GNAQ: variants seen among roughly 807,000 people sequenced by gnomAD.
GNAQ encodes guanine nucleotide-binding protein G(q) subunit alpha.
GNAQ carries 8 observed loss-of-function variants against 43.9 expected under a neutral mutation model. That is an observed-to-expected ratio of 0.18 (90% CI 0.11 to 0.33). The LOEUF (loss-of-function observed/expected upper bound fraction) is 0.33, where lower values mean the gene tolerates loss of function less well. Among genes scored for constraint, GNAQ ranks in the 10% least tolerant of loss-of-function variants. The pLI, the probability that GNAQ is intolerant of heterozygous loss-of-function variation, is 1.00. For missense variants in GNAQ, 158 were observed against 450.8 expected (o/e 0.35, Z 5.88); for synonymous variants, 155 against 170.7 (o/e 0.91, Z 0.71).
At chr9:77,791,623 G>A (rs998622813) in intron 5 of GNAQ, among the ~76,000 whole-genome samples, 2 of 152,124 alleles carry the variant, frequency 1.3e-5, no homozygotes, top group African/African-American at 4.8e-5. Context: ...GAGAATCTAG[G>A]CAGACAAAAG....
chr9:77,870,423 C>T (rs1828018439), intron 2 of GNAQ, among the ~76,000 whole-genome samples: 2 of 150,292 alleles, frequency 1.3e-5, no homozygotes, highest in South Asian at 2.1e-4. Context: ...CTCTGCCTCA[C>T]GGATTCACGT....
At chr9:77,904,471 T>C (rs1206196982) in intron 2 of GNAQ, among the ~76,000 whole-genome samples, 1 of 151,772 alleles carries the variant, frequency 6.6e-6, no homozygotes, top group Non-Finnish European at 1.5e-5. Context: ...TAGCTGGGAC[T>C]ACAGGCGTCT....
chr9:77,918,001 C>A lies in GNAQ; in HGVS notation c.321+4160G>T, dbSNP rs188239665. Among the ~76,000 whole-genome samples, 163 of 152,290 alleles carry A rather than the reference C, an allele frequency of 1.1e-3. 4 individuals are homozygous for A. Among genetic ancestry groups the A allele is most frequent in the Non-Finnish European group, 9.7e-4 (66 of 68,030 alleles). ...CACCATTTGGTCCAGAGACTGTGAA[C>A]TGGACTCCCCCTGACCACAGCACCC... On this transcript the variant is annotated intron_variant, in intron 2 of 6. Coordinates refer to ENST00000286548, the MANE Select transcript of GNAQ (RefSeq NM_002072.5).
At chr9:77,927,024 C>T (rs1829080925) in intron 1 of GNAQ, among the ~76,000 whole-genome samples, 1 of 152,196 alleles carries the variant, frequency 6.6e-6, no homozygotes, top group African/African-American at 2.4e-5. Flanking sequence ...TACTATGATA[C>T]AGTGCATCAA....
chr9:77,723,392 T>A (rs575258039), intron 6 of GNAQ, among the ~76,000 whole-genome samples: 13 of 152,360 alleles, frequency 8.5e-5, no homozygotes, highest in Non-Finnish European at 1.8e-4. Context: ...TACTCCAATG[T>A]ATATATCTAA....
chr9:77,956,752 A>AT (rs1314960506), intron 1 of GNAQ, among the ~76,000 whole-genome samples: 2 of 152,208 alleles, frequency 1.3e-5, no homozygotes, highest in African/African-American at 4.8e-5. Context: ...TTTCCTCTGC[A>AT]TATGCAATAT....
intron 5 of GNAQ, among the ~76,000 whole-genome samples, chr9:77,734,776 G>C (rs1008828912): frequency 6.6e-6 from 1 of 152,176 alleles, no homozygotes; most frequent in African/African-American, 2.4e-5. Context: ...TGCTAAAAAA[G>C]AAGGCCAGAG....
chr9:77,992,687 T>C (rs1469036875), intron 1 of GNAQ, among the ~76,000 whole-genome samples: 1 of 152,182 alleles, frequency 6.6e-6, no homozygotes, highest in African/African-American at 2.4e-5. Context: ...CTCATGCCTG[T>C]AATCCTAGCA....
chr9:78,010,984 T>C (rs890643310), intron 1 of GNAQ, among the ~76,000 whole-genome samples: 4 of 152,110 alleles, frequency 2.6e-5, no homozygotes, highest in Non-Finnish European at 5.9e-5. Flanking sequence ...ACTTGACATA[T>C]TTACTGGAAA....
chr9:77,928,263 C>A (rs1829097922), intron 1 of GNAQ, among the ~76,000 whole-genome samples: 1 of 152,190 alleles, frequency 6.6e-6, no homozygotes, highest in Admixed American at 6.5e-5. Context: ...GTTGCCATAA[C>A]TTCCCGTCTT....
intron 1 of GNAQ, among the ~76,000 whole-genome samples, chr9:78,009,187 T>C (rs1823744144): frequency 6.6e-6 from 1 of 152,230 alleles, no homozygotes; most frequent in Non-Finnish European, 1.5e-5. Context: ...AAGAAAATAC[T>C]CCTTCTCTCC....
chr9:77,870,226 T>G (rs1325675503), intron 2 of GNAQ, among the ~76,000 whole-genome samples: 3 of 152,066 alleles, frequency 2.0e-5, no homozygotes, highest in Non-Finnish European at 4.4e-5. Flanking sequence ...CTTTTGGGGA[T>G]AATTTAGTTA....
intron 5 of GNAQ, among the ~76,000 whole-genome samples, chr9:77,792,150 T>C (rs933939617): frequency 2.6e-5 from 4 of 152,162 alleles, no homozygotes; most frequent in East Asian, 1.9e-4. Flanking sequence ...ACAGCACTTT[T>C]CTCATGATCC....
At chr9:77,731,811 T>C (rs1282485931) in intron 5 of GNAQ, among the ~76,000 whole-genome samples, 1 of 152,220 alleles carries the variant, frequency 6.6e-6, no homozygotes, top group Non-Finnish European at 1.5e-5. Flanking sequence ...AGGGAGGTGA[T>C]GCTCTATCCC....
intron 5 of GNAQ, among the ~76,000 whole-genome samples, chr9:77,763,511 C>T (rs2118347804): frequency 6.6e-6 from 1 of 152,282 alleles, no homozygotes; most frequent in East Asian, 1.9e-4. Flanking sequence ...TGTCCTCACC[C>T]CACCCCTGTT....
chr9:77,872,409 T>C (rs903276791), intron 2 of GNAQ, among the ~76,000 whole-genome samples: 2 of 152,186 alleles, frequency 1.3e-5, no homozygotes, highest in Non-Finnish European at 2.9e-5. Context: ...CCTGGGGCAA[T>C]GGAAGCCAAG....
intron 1 of GNAQ, among the ~76,000 whole-genome samples, chr9:77,927,879 C>T (rs1829092193): frequency 6.6e-6 from 1 of 152,070 alleles, no homozygotes; most frequent in Non-Finnish European, 1.5e-5. Flanking sequence ...CCCAGATAAA[C>T]AACAGCCAAG....
At chr9:77,913,490 G>A (rs554716215) in intron 2 of GNAQ, among the ~76,000 whole-genome samples, 3 of 152,160 alleles carry the variant, frequency 2.0e-5, no homozygotes, top group East Asian at 1.9e-4. Flanking sequence ...AGCTAGTGGC[G>A]ACTGTATTGG....
chr9:77,899,552 C>CA (rs67934886), intron 2 of GNAQ, among the ~76,000 whole-genome samples: 65,071 of 137,218 alleles, frequency 0.47, 16,291 homozygotes, highest in Non-Finnish European at 0.59. Flanking sequence ...ATCACATTAA[C>CA]AAAAAAAAAA....
Sources: gnomAD v4.1 joint callset for allele counts (sites outside exome capture counted in the v4.1 genomes callset) on GRCh38, gnomAD v4.1.1 for gene constraint, MANE v1.5 for transcripts, NCBI Gene and HGNC (gene_info 2026-07-23, HGNC 2026-07-21) for gene names.